ZFYVE9: variants seen among roughly 807,000 people sequenced by gnomAD.
The protein encoded by ZFYVE9 is zinc finger FYVE domain-containing protein 9.
A neutral mutation model predicts 126.7 loss-of-function variants in ZFYVE9; 43 were observed. The observed-to-expected ratio is 0.34, with a 90% CI of 0.27 to 0.44. ZFYVE9 has a LOEUF of 0.44. ZFYVE9 is among the 20% of genes least tolerant of loss of function. ZFYVE9 has a pLI of 1.00. For missense variants in ZFYVE9, 1,476 were observed against 1,697.0 expected (o/e 0.87, Z 2.29); for synonymous variants, 521 against 597.4 (o/e 0.87, Z 1.87).
chr1:52,243,192 C>T (rs569893410), intron 4 of ZFYVE9, among the ~76,000 whole-genome samples: 3 of 152,232 alleles, frequency 2.0e-5, no homozygotes, highest in South Asian at 4.1e-4. Context: ...TGCTGGGTGC[C>T]GAGCTTACAC....
chr1:52,346,618 TAAAATA>T lies in ZFYVE9; in HGVS notation c.*398_*403del, dbSNP rs953272026. The T allele has an allele frequency of 2.5e-6, 1 of 400,590 alleles. No homozygotes were observed. Among genetic ancestry groups the T allele is most frequent in the African/African-American group, 2.1e-5 (1 of 48,654 alleles). 24.8% of individuals were successfully genotyped at this position (400,590 alleles called of 1,614,324 possible). A position where few individuals can be genotyped will look rare whatever the true frequency, so the allele number is the denominator to read the frequency against. On this transcript the variant is annotated 3_prime_UTR_variant, in exon 19 of 19. Coordinates refer to ENST00000287727, the MANE Select transcript of ZFYVE9 (RefSeq NM_004799.4). ...GTGGGATGGGAGGGCAGAGGGGAAA[TAAAATA>T]TAAAGCATCAGTTCTTGCACTCTTT...
At chr1:52,181,088 CGG>C (rs1644696644) in intron 1 of ZFYVE9, among the ~76,000 whole-genome samples, 2 of 151,924 alleles carry the variant, frequency 1.3e-5, no homozygotes, top group African/African-American at 2.4e-5. Flanking sequence ...TTCTCCCTCA[CGG>C]TCTCCTTCTC....
chr1:52,293,635 T>C lies in ZFYVE9; in HGVS notation c.3208T>C (p.Phe1070Leu). 3 of 1,614,158 alleles carry C rather than the reference T, an allele frequency of 1.9e-6. No homozygotes were observed. The highest frequency in any genetic ancestry group is 2.5e-6 in the Non-Finnish European group (3 of 1,180,014). The change falls in exon 11 of 19, where the codon TTT (phenylalanine) becomes CTT (leucine). Residue 1070 changes from phenylalanine (F) to leucine (L), a missense_variant. Physicochemically the swap from Phe to Leu is conservative, Grantham distance 22 (BLOSUM62 0). Around this residue, in one of 2 missense-constraint regions of ZFYVE9, gnomAD observed 669 missense variants for 902.4 expected, o/e 0.74. Coordinates refer to ENST00000287727, the MANE Select transcript of ZFYVE9 (RefSeq NM_004799.4). Reference sequence around the variant, plus strand: ...ATGGGAAACTCCTTGGGCTAAAGTATTTCCTATCCGTCTGATGTTGAGACT... The same window carrying C: ...ATGGGAAACTCCTTGGGCTAAAGTACTTCCTATCCGTCTGATGTTGAGACT... ...QKWETPWAKV[F>L]PIRLMLRLGA...
Position 52,209,547 on chromosome 1 carries a change from G to A in ZFYVE9, c.-142-6822G>A, listed in dbSNP as rs78491702. ...ACACTAATACACTTTCTGTCTCTGT[G>A]GACGTGCCTATTCTGGACATTTCAT... On this transcript the variant is annotated intron_variant, in intron 1 of 18. Transcript: ENST00000287727. Among the ~76,000 whole-genome samples, 1,395 of 152,126 alleles carry A rather than the reference G, an allele frequency of 9.2e-3. 63 individuals are homozygous for A. In the East Asian group the frequency reaches 0.12, roughly 13 times the overall value.
intron 4 of ZFYVE9, among the ~76,000 whole-genome samples, chr1:52,246,720 T>G (rs1357797102): frequency 6.9e-6 from 1 of 144,388 alleles, no homozygotes; most frequent in African/African-American, 2.6e-5. Context: ...TTTTTTTTTT[T>G]GAGATGGAGT....
In ZFYVE9 at chr1:52,239,361, T is replaced by C. The variant is rs372226469; in HGVS notation, c.1944T>C (p.His648=). The change falls in exon 4 of 19, where the codon CAT becomes CAC. Residue 648 remains histidine (H), a synonymous_variant. Transcript: ENST00000287727. ...NISNVDTNGE[H]LESYEAEIST... is the part of the protein sequence containing the mutation. Reference sequence around the variant, plus strand: ...CTAATGTCGATACAAATGGGGAACATTTAGAAAGTTATGAGGCTGAGATCT... The same window carrying C: ...CTAATGTCGATACAAATGGGGAACACTTAGAAAGTTATGAGGCTGAGATCT... 17 of 1,613,970 alleles carry C rather than the reference T, an allele frequency of 1.1e-5. No homozygotes were observed. The African/African-American group carries it at 1.5e-4, about 14-fold the overall frequency.
chr1:52,177,148 ATT>A (rs35941523), intron 1 of ZFYVE9, among the ~76,000 whole-genome samples: 17 of 131,404 alleles, frequency 1.3e-4, no homozygotes, highest in East Asian at 2.2e-4. Flanking sequence ...CCCCAGCCCG[ATT>A]TTTTTTTTTT....
At chr1:52,244,291 T>G (rs1334080156) in intron 4 of ZFYVE9, among the ~76,000 whole-genome samples, 1 of 152,178 alleles carries the variant, frequency 6.6e-6, no homozygotes, top group Non-Finnish European at 1.5e-5. Context: ...TACTGTTGTA[T>G]TTTTATAGTG....
chr1:52,345,899 TA>T, intron 18 of ZFYVE9, 160 bp from the exon 19 acceptor site: 1 of 670,616 alleles, frequency 1.5e-6, no homozygotes, highest in Non-Finnish European at 2.3e-6. Flanking sequence ...AACAACAGGA[TA>T]AGTGATCACC....
chr1:52,319,501 A>T (rs1269269746), intron 13 of ZFYVE9, among the ~76,000 whole-genome samples: 1 of 151,482 alleles, frequency 6.6e-6, no homozygotes, highest in Non-Finnish European at 1.5e-5. Flanking sequence ...GCGCATACCT[A>T]TAATCCCAGC....
At chr1:52,210,131 A>G (rs1453383785) in intron 1 of ZFYVE9, among the ~76,000 whole-genome samples, 1 of 152,212 alleles carries the variant, frequency 6.6e-6, no homozygotes, top group African/African-American at 2.4e-5. Context: ...GATAGTATCT[A>G]GAATTGTACT....
Position 52,344,830 on chromosome 1 carries a change from A to T in ZFYVE9, c.4002A>T (p.Arg1334Ser). 6.2e-7 allele frequency: 1 copy of T among 1,614,192 alleles called. No homozygotes were observed. The highest frequency in any genetic ancestry group is 1.3e-5 in the African/African-American group (1 of 75,044). Reference protein sequence around the residue: ...NCLSDPADHSRLTEHVAKAFC... With the variant: ...NCLSDPADHSSLTEHVAKAFC... Reference sequence around the variant, plus strand: ...TCAGTGATCCTGCAGATCACAGTAGATTGACTGAGCATGTTGCCAAAGCTT... The same window carrying T: ...TCAGTGATCCTGCAGATCACAGTAGTTTGACTGAGCATGTTGCCAAAGCTT... The change falls in exon 18 of 19, where the codon AGA becomes AGT. Residue 1334 changes from arginine to serine, a missense_variant. By Grantham distance (110) the Arg-to-Ser change is moderately radical. Around this residue, in one of 2 missense-constraint regions of ZFYVE9, gnomAD observed 669 missense variants for 902.4 expected, o/e 0.74. Transcript: ENST00000287727.
chr1:52,228,844 C>T (rs763747819), intron 2 of ZFYVE9, among the ~76,000 whole-genome samples: 5 of 150,648 alleles, frequency 3.3e-5, no homozygotes, highest in Non-Finnish European at 7.4e-5. Flanking sequence ...GTGCCTGACA[C>T]TTGGTTATTT....
chr1:52,217,383 C>T (rs1572107769), intron 2 of ZFYVE9, among the ~76,000 whole-genome samples: 1 of 152,308 alleles, frequency 6.6e-6, no homozygotes, highest in East Asian at 1.9e-4. Context: ...GAAGTTGAGT[C>T]TTTGAAGAGG....
intron 13 of ZFYVE9, among the ~76,000 whole-genome samples, chr1:52,313,799 G>C (rs2147852275): frequency 6.6e-6 from 1 of 152,268 alleles, no homozygotes; most frequent in East Asian, 1.9e-4. Context: ...CCCAAATCAA[G>C]CTTTAAGAAA....
At chr1:52,160,690 A>G (rs1644449962) in intron 1 of ZFYVE9, 1 of 509,506 alleles carries the variant, frequency 2.0e-6, no homozygotes, top group East Asian at 3.1e-5. Context: ...CTGGGATTAC[A>G]GGCGTGAGCC....
rs930758606 is a variant in ZFYVE9, at chr1:52,274,378, T to C, written c.2626-86T>C. ...AAAAGTATGAATTTCAGATTTTCAC[T>C]TAAGTTCCCATTTGTATTTTTAATT... On this transcript the variant is annotated intron_variant, in intron 7 of 18. Transcript: ENST00000287727. 2.8e-6 allele frequency: 4 copies of C among 1,432,722 alleles called. No individual in the cohort carries two copies. In the African/African-American group the frequency reaches 5.7e-5, roughly 20 times the overall value. 88.8% of individuals were successfully genotyped at this position (1,432,722 alleles called of 1,614,324 possible).
intron 1 of ZFYVE9, among the ~76,000 whole-genome samples, chr1:52,151,562 C>T (rs1370629854): frequency 6.6e-6 from 1 of 151,190 alleles, no homozygotes; most frequent in African/African-American, 2.4e-5. Context: ...GTCATCCAGG[C>T]TGGAGTGCAG....
chr1:52,177,773 A>G lies in ZFYVE9; in HGVS notation c.-143+35370A>G, dbSNP rs181620920. Among the ~76,000 whole-genome samples, 3 of 152,308 alleles carry G rather than the reference A, an allele frequency of 2.0e-5. No individual in the cohort carries two copies. The East Asian group carries it at 5.8e-4, about 29-fold the overall frequency. ...GTTTTAAGCAGAGGAAAACCTGGGC[A>G]CAAACGTGTAGCAGTATGTGGAACA... On this transcript the variant is annotated intron_variant, in intron 1 of 18. Transcript: ENST00000287727.
Sources: gnomAD v4.1 joint callset for allele counts (sites outside exome capture counted in the v4.1 genomes callset) on GRCh38, gnomAD v4.1.1 for gene constraint, gnomAD v4.1.1 regional missense constraint, MANE v1.5 for transcripts, NCBI Gene and HGNC (gene_info 2026-07-23, HGNC 2026-07-21) for gene names.